MICU1: variants seen among roughly 807,000 people sequenced by gnomAD.
The protein encoded by MICU1 is calcium uptake protein 1, mitochondrial.
In MICU1, 45 loss-of-function variants were observed where a neutral mutation model predicts 56.8. That is an observed-to-expected ratio of 0.79 (90% confidence interval 0.62 to 1.02). MICU1 has a LOEUF of 1.02. Ranked by LOEUF, MICU1 falls within the 50% of genes least tolerant of loss-of-function variation. MICU1 has a pLI of 0.00. For synonymous variants in MICU1, 186 were observed against 195.1 expected (o/e 0.95, Z 0.39); for missense variants, 504 against 587.1 (o/e 0.86, Z 1.46).
intron 1 of MICU1, among the ~76,000 whole-genome samples, chr10:72,623,109 C>T (rs958749684): frequency 6.6e-6 from 1 of 151,042 alleles, no homozygotes; most frequent in Non-Finnish European, 1.5e-5. Flanking sequence ...TCTTTACTAA[C>T]AATACAAAAA....
intron 4 of MICU1, among the ~76,000 whole-genome samples, chr10:72,549,924 C>T (rs1246276110): frequency 1.3e-5 from 1 of 76,314 alleles, no homozygotes; most frequent in Admixed American, 1.2e-4. Flanking sequence ...GAATGAAACT[C>T]CATCTCAAAA....
chr10:72,592,899 C>T (rs1273933148), intron 1 of MICU1, among the ~76,000 whole-genome samples: 2 of 151,828 alleles, frequency 1.3e-5, no homozygotes, highest in East Asian at 3.9e-4. Context: ...TCTCCTGCCT[C>T]AGCCTCCCAA....
chr10:72,554,098 A>G (rs759266303), intron 3 of MICU1, among the ~76,000 whole-genome samples: 2 of 152,210 alleles, frequency 1.3e-5, no homozygotes, highest in Non-Finnish European at 2.9e-5. Flanking sequence ...TGCTAGACTT[A>G]ATTGGATCAA....
At chr10:72,545,403 T>C (rs1007320536) in intron 4 of MICU1, among the ~76,000 whole-genome samples, 2 of 152,194 alleles carry the variant, frequency 1.3e-5, no homozygotes, top group Non-Finnish European at 2.9e-5. Context: ...GTTTTACGTA[T>C]TTTAGGAAGA....
At chr10:72,527,778 A>G (rs1868007797) in intron 5 of MICU1, among the ~76,000 whole-genome samples, 1 of 152,212 alleles carries the variant, frequency 6.6e-6, no homozygotes, top group Admixed American at 6.5e-5. Context: ...ATTATTGACG[A>G]TAATTCCCAC....
intron 1 of MICU1, among the ~76,000 whole-genome samples, chr10:72,611,181 T>C (rs1841836517): frequency 6.6e-6 from 1 of 151,308 alleles, no homozygotes; most frequent in Non-Finnish European, 1.5e-5. Flanking sequence ...CGGGCGCCTG[T>C]AGTCCCAGCT....
intron 9 of MICU1, among the ~76,000 whole-genome samples, chr10:72,417,893 T>C (rs1281522285): frequency 6.6e-6 from 1 of 152,186 alleles, no homozygotes; most frequent in Non-Finnish European, 1.5e-5. Context: ...AATAAAGACA[T>C]ACCTGAGACC....
chr10:72,613,079 T>G (rs1435920118), intron 1 of MICU1, among the ~76,000 whole-genome samples: 2 of 152,172 alleles, frequency 1.3e-5, no homozygotes, highest in African/African-American at 2.4e-5. Flanking sequence ...TTTTAAAACT[T>G]TCAAACATGC....
chr10:72,375,808 C>A lies in MICU1; in HGVS notation c.1245G>T (p.Val415=). 1 of 1,613,254 alleles carries A rather than the reference C, an allele frequency of 6.2e-7. No homozygotes were observed. Among genetic ancestry groups the A allele is most frequent in the Non-Finnish European group, 8.5e-7 (1 of 1,179,658 alleles). The part of the protein sequence containing the change: ...KVELSDHVCD[V]VFALFDCDGN... ...CATCACAGTCAAAGAGTGCAAACACCACATCACACACGTGGTCTGAGAGCT... is the reference window on the plus strand; with the variant it reads ...CATCACAGTCAAAGAGTGCAAACACAACATCACACACGTGGTCTGAGAGCT... The change falls in exon 11 of 12, where the codon GTG becomes GTT. Residue 415 remains valine (V), a synonymous_variant. Coordinates refer to ENST00000361114, the MANE Select transcript of MICU1 (RefSeq NM_001195518.2).
At chr10:72,373,880 T>G (rs1388175856) in intron 11 of MICU1, among the ~76,000 whole-genome samples, 1 of 152,222 alleles carries the variant, frequency 6.6e-6, no homozygotes, top group African/African-American at 2.4e-5. Flanking sequence ...GCATTAGAAC[T>G]CTCTGCGATG....
At chr10:72,501,979 C>A (rs1438609773) in intron 6 of MICU1, among the ~76,000 whole-genome samples, 1 of 152,002 alleles carries the variant, frequency 6.6e-6, no homozygotes, top group Non-Finnish European at 1.5e-5. Flanking sequence ...AAGAAAAAAA[C>A]CCACATGATT....
intron 8 of MICU1, among the ~76,000 whole-genome samples, chr10:72,468,294 CTTT>C (rs35225891): frequency 2.1e-3 from 286 of 136,622 alleles, no homozygotes; most frequent in African/African-American, 4.1e-3. Context: ...TTAGTTTTTG[CTTT>C]TTTTTTTTTT....
chr10:72,408,103 C>T (rs1863689375), intron 9 of MICU1, 66 bp from the exon 10 acceptor site: 3 of 900,176 alleles, frequency 3.3e-6, no homozygotes, highest in East Asian at 4.9e-5. Flanking sequence ...TATGCATAGG[C>T]AGTGATTCAC....
intron 10 of MICU1, among the ~76,000 whole-genome samples, chr10:72,383,599 C>A (rs1294893013): frequency 1.3e-5 from 2 of 152,142 alleles, no homozygotes; most frequent in Non-Finnish European, 2.9e-5. Flanking sequence ...GTTTATTTAA[C>A]CAGTTCCTTA....
rs531132738 is a variant in MICU1 at position 72,549,197 on chromosome 10, T to G, written c.493+1982A>C. On this transcript the variant is annotated intron_variant, in intron 4 of 11. Transcript: ENST00000361114. ...CATGTGTCTGTTTTTTTTGGTTTTT[T>G]TTTTTTTTTTTGAAACAGGGTCTGG... is the stretch of plus-strand genomic sequence containing the variant. Among the ~76,000 whole-genome samples the G allele has an allele frequency of 1.2e-3, 176 of 151,316 alleles. 1 individual carries two copies. Among genetic ancestry groups the G allele is most frequent in the African/African-American group, 3.8e-3 (156 of 41,328 alleles).
chr10:72,605,112 G>T (rs1322521827), intron 1 of MICU1, among the ~76,000 whole-genome samples: 1 of 152,138 alleles, frequency 6.6e-6, no homozygotes, highest in Non-Finnish European at 1.5e-5. Flanking sequence ...ATAAAACAGG[G>T]TGCAGTAAAG....
chr10:72,477,786 G>A (rs1371689169), intron 6 of MICU1, among the ~76,000 whole-genome samples: 2 of 152,162 alleles, frequency 1.3e-5, no homozygotes, highest in African/African-American at 4.8e-5. Flanking sequence ...ATTTCAAGTT[G>A]GTTTCTTTTA....
intron 6 of MICU1, among the ~76,000 whole-genome samples, chr10:72,482,156 T>C (rs1425468321): frequency 1.3e-5 from 2 of 152,340 alleles, no homozygotes; most frequent in East Asian, 3.9e-4. Flanking sequence ...TTTCTCTCAC[T>C]GTTCTTTAAT....
intron 8 of MICU1, among the ~76,000 whole-genome samples, chr10:72,454,089 C>T (rs1865381060): frequency 1.3e-5 from 2 of 152,134 alleles, no homozygotes; most frequent in East Asian, 2.0e-4. Flanking sequence ...GCTGCTGCTT[C>T]CCAAAGTGCT....
Sources: allele counts gnomAD v4.1 joint callset (sites outside exome capture counted in the v4.1 genomes callset), GRCh38; gene constraint gnomAD v4.1.1; transcripts MANE v1.5; gene names NCBI Gene and HGNC (gene_info 2026-07-23, HGNC 2026-07-21).